The following PDE1C variants were observed in gnomAD, a reference collection of about 807,000 sequenced individuals.
PDE1C encodes dual specificity calcium/calmodulin-dependent 3',5'-cyclic nucleotide phosphodiesterase 1C.
PDE1C carries 62 observed loss-of-function variants against 93.1 expected under a neutral mutation model. The observed-to-expected ratio is 0.67, with a 90% confidence interval of 0.54 to 0.82. The LOEUF (loss-of-function observed/expected upper bound fraction) is 0.82, where lower values mean the gene tolerates loss of function less well. Among genes scored for constraint, PDE1C ranks in the 40% least tolerant of loss-of-function variants. The pLI is 0.00. For synonymous variants in PDE1C, 325 were observed against 310.1 expected (o/e 1.05, Z -0.50); for missense variants, 742 against 884.6 (o/e 0.84, Z 2.04).
chr7:32,394,324 C>T (rs1310905620), intron 1 of PDE1C, among the ~76,000 whole-genome samples: 2 of 152,172 alleles, frequency 1.3e-5, no homozygotes, highest in African/African-American at 2.4e-5. Context: ...ATTTGAAGGA[C>T]TGCTGATATG....
chr7:31,618,446 G>A, the PDE1C span, among the ~76,000 whole-genome samples: 1 of 152,166 alleles, frequency 6.6e-6, no homozygotes, highest in South Asian at 2.1e-4. Flanking sequence ...TGGCACCCAA[G>A]TTTCATGAAT....
intron 2 of PDE1C, among the ~76,000 whole-genome samples, chr7:31,906,608 G>A (rs565635093): frequency 6.6e-6 from 1 of 152,286 alleles, no homozygotes; most frequent in East Asian, 1.9e-4. Flanking sequence ...AGGCTACAAA[G>A]AGAAGGGATT....
chr7:31,731,246 C>T, the PDE1C span, among the ~76,000 whole-genome samples: 12 of 152,068 alleles, frequency 7.9e-5, no homozygotes, highest in Non-Finnish European at 2.9e-5. Context: ...CTCACAGGAA[C>T]CCGCAGGACC....
At chr7:32,307,462 T>G (rs1813036649) in intron 1 of PDE1C, among the ~76,000 whole-genome samples, 1 of 152,152 alleles carries the variant, frequency 6.6e-6, no homozygotes, top group African/African-American at 2.4e-5. Context: ...ATGGCCCCAC[T>G]AAACTGCAAG....
intron 3 of PDE1C, among the ~76,000 whole-genome samples, chr7:32,147,738 T>C (rs1800984362): frequency 6.6e-6 from 1 of 150,628 alleles, no homozygotes; most frequent in South Asian, 2.1e-4. Context: ...ACAATTCCCA[T>C]ATGTATTTTC....
At position 32,068,272 on chromosome 7, in the gene PDE1C, T is replaced by TTTGTGGACGGCAAAGTGTTATTCCAAG. The variant is rs559959613; in HGVS notation, c.101+1994_101+2020dup. Among the ~76,000 whole-genome samples the TTTGTGGACGGCAAAGTGTTATTCCAAG allele has an allele frequency of 3.5e-3, 536 of 152,328 alleles. 2 individuals are homozygous for TTTGTGGACGGCAAAGTGTTATTCCAAG. The highest frequency in any genetic ancestry group is 9.4e-3 in the African/African-American group (392 of 41,570). On this transcript the variant is annotated intron_variant, in intron 1 of 17. Coordinates refer to ENST00000396191, the MANE Select transcript of PDE1C (RefSeq NM_001191057.4). Reference sequence around the variant, plus strand: ...CCTTCCTTCCCCTAAGGGTTTCTATTTTGTGGACGGCAAAGTGTTATTCCA... The same window carrying TTTGTGGACGGCAAAGTGTTATTCCAAG: ...CCTTCCTTCCCCTAAGGGTTTCTATTTTGTGGACGGCAAAGTGTTATTCCAAGTTGTGGACGGCAAAGTGTTATTCCA...
At chr7:31,724,518 T>G in the PDE1C span, among the ~76,000 whole-genome samples, 1 of 152,216 alleles carries the variant, frequency 6.6e-6, no homozygotes, top group African/African-American at 2.4e-5. Flanking sequence ...TCCCACCTGC[T>G]GTCAACCTTA....
At chr7:31,966,079 T>C (rs1173739581) in intron 2 of PDE1C, among the ~76,000 whole-genome samples, 1 of 152,160 alleles carries the variant, frequency 6.6e-6, no homozygotes, top group Middle Eastern at 3.2e-3. Context: ...GCTAACATCA[T>C]AATGACAGGA....
intron 1 of PDE1C, among the ~76,000 whole-genome samples, chr7:32,065,788 G>A (rs1563275068): frequency 6.6e-6 from 1 of 152,226 alleles, no homozygotes; most frequent in Non-Finnish European, 1.5e-5. Context: ...CCTCATCTTT[G>A]CTGTGTAGGT....
chr7:32,072,460 G>T (rs1267367219), upstream of PDE1C, among the ~76,000 whole-genome samples: 1 of 152,210 alleles, frequency 6.6e-6, no homozygotes, highest in Admixed American at 6.5e-5. Context: ...ACCCAGCAGA[G>T]AAACAGTGCC....
At chr7:32,051,467 T>G in intron 2 of PDE1C, 87 bp downstream of exon 2, 3 of 1,247,884 alleles carry the variant, frequency 2.4e-6, no homozygotes, top group Non-Finnish European at 3.5e-6. Flanking sequence ...GCCTGTTTAT[T>G]ACAGTTCCAG....
At chr7:31,626,052 A>G in the PDE1C span, among the ~76,000 whole-genome samples, 3 of 152,346 alleles carry the variant, frequency 2.0e-5, no homozygotes, top group South Asian at 2.1e-4. Flanking sequence ...AAGGATTCCA[A>G]GTTGATTCTA....
the PDE1C span, among the ~76,000 whole-genome samples, chr7:31,690,606 T>C: frequency 6.6e-6 from 1 of 152,186 alleles, no homozygotes; most frequent in African/African-American, 2.4e-5. Context: ...AGAGCTGAGA[T>C]TTAAACTAGG....
intron 3 of PDE1C, among the ~76,000 whole-genome samples, chr7:32,164,292 C>T (rs1431821808): frequency 2.0e-5 from 3 of 152,152 alleles, no homozygotes; most frequent in Non-Finnish European, 4.4e-5. Context: ...AAACATAAGT[C>T]TAGACTAGAA....
At chr7:32,283,877 A>T (rs1026169331) in intron 1 of PDE1C, among the ~76,000 whole-genome samples, 2 of 152,222 alleles carry the variant, frequency 1.3e-5, no homozygotes, top group African/African-American at 4.8e-5. Flanking sequence ...CCTGATTCAC[A>T]GAGGGCTTTA....
the PDE1C span, among the ~76,000 whole-genome samples, chr7:31,683,893 TTA>T: frequency 3.0e-4 from 45 of 152,372 alleles, no homozygotes; most frequent in Middle Eastern, 3.4e-3. Flanking sequence ...TTAAAGCTAG[TTA>T]CCATCAGGCA....
At chr7:32,164,923 T>TC (rs1302927089) in intron 3 of PDE1C, among the ~76,000 whole-genome samples, 11 of 152,140 alleles carry the variant, frequency 7.2e-5, no homozygotes, top group African/African-American at 2.7e-4. Flanking sequence ...CTATTCTCTT[T>TC]TAAGAAAAAC....
intron 12 of PDE1C, among the ~76,000 whole-genome samples, chr7:31,827,809 T>G (rs1233844052): frequency 6.6e-6 from 1 of 152,030 alleles, no homozygotes; most frequent in Non-Finnish European, 1.5e-5. Flanking sequence ...AAAAGTGCTT[T>G]AAAGAAAAGA....
At chr7:32,020,880 T>C (rs546989906) in intron 2 of PDE1C, among the ~76,000 whole-genome samples, 7 of 152,266 alleles carry the variant, frequency 4.6e-5, no homozygotes, top group African/African-American at 1.7e-4. Context: ...ATTGCAGAAA[T>C]TTCTAGACCC....
Sources: allele counts gnomAD v4.1 joint callset (sites outside exome capture counted in the v4.1 genomes callset), GRCh38; gene constraint gnomAD v4.1.1; transcripts MANE v1.5; gene names NCBI Gene and HGNC (gene_info 2026-07-23, HGNC 2026-07-21).